Variants in CCDC190 observed in about 807,000 individuals in gnomAD.
CCDC190 encodes the protein coiled-coil domain containing 190.
CCDC190 carries 10 observed loss-of-function variants against 13.1 expected under a neutral mutation model. The observed-to-expected ratio is 0.77, with a 90% confidence interval of 0.47 to 1.30. The LOEUF is 1.30. Among genes scored for constraint, CCDC190 ranks in the 50% most tolerant of loss-of-function variants. CCDC190 has a pLI of 0.00. For missense variants in CCDC190, 375 were observed against 354.3 expected (o/e 1.06, Z -0.47); for synonymous variants, 136 against 127.2 (o/e 1.07, Z -0.47).
chr1:162,855,978 A>G, intron 2 of CCDC190: 1 of 370,990 alleles, frequency 2.7e-6, no homozygotes, highest in Non-Finnish European at 4.9e-6. Flanking sequence ...ACACAGGGAG[A>G]GCACTAAGAG....
At chr1:162,862,647 T>G (rs1650560803), upstream of CCDC190, among the ~76,000 whole-genome samples, 1 of 152,160 alleles carries the variant, frequency 6.6e-6, no homozygotes, top group Non-Finnish European at 1.5e-5. Flanking sequence ...GGAATATCTA[T>G]CTATGGGAAC....
intron 2 of CCDC190, among the ~76,000 whole-genome samples, chr1:162,858,595 C>T (rs1650392748): frequency 6.6e-6 from 1 of 152,218 alleles, no homozygotes; most frequent in African/African-American, 2.4e-5. Flanking sequence ...TGTTCGTTTA[C>T]AGCACCTGGC....
Position 162,853,220 on chromosome 1 carries a change from T to C in CCDC190, c.*1545A>G. 1 of 1,360,772 alleles carries C rather than the reference T, an allele frequency of 7.3e-7. No homozygotes were observed. 84.3% of individuals were successfully genotyped at this position (1,360,772 alleles called of 1,614,324 possible). A position where few individuals can be genotyped will look rare whatever the true frequency, so the allele number is the denominator to read the frequency against. ...GTTTTTGTCTTCAGATAGGTGGTAG[T>C]GTGGTGTAATGAAAGAGCATGAGCA... On this transcript the variant is annotated 3_prime_UTR_variant, in exon 4 of 4. Coordinates refer to ENST00000367912, the MANE Select transcript of CCDC190 (RefSeq NM_001394065.1).
chr1:162,861,890 C>T (rs559045330), upstream of CCDC190, among the ~76,000 whole-genome samples: 70 of 152,172 alleles, frequency 4.6e-4, no homozygotes, highest in African/African-American at 1.5e-3. Context: ...CCAGAGTTTA[C>T]TGAGAGGCAG....
chr1:162,857,620 GCCCTTTCC>G (rs1480849413), intron 2 of CCDC190, among the ~76,000 whole-genome samples: 1 of 152,072 alleles, frequency 6.6e-6, no homozygotes, highest in South Asian at 2.1e-4. Flanking sequence ...CAAACTTCCC[GCCCTTTCC>G]CCCATTTTCC....
intron 2 of CCDC190, among the ~76,000 whole-genome samples, chr1:162,856,595 A>G (rs1368285147): frequency 6.6e-6 from 1 of 152,212 alleles, no homozygotes; most frequent in African/African-American, 2.4e-5. Context: ...TGGAGAACTC[A>G]GTCAGTTTTT....
rs1296819443 is a variant in CCDC190, at chr1:162,853,649, T to C, written c.*1116A>G. Among the ~76,000 whole-genome samples, 1 of 152,218 alleles carries C rather than the reference T, an allele frequency of 6.6e-6. No individual in the cohort carries two copies. The highest frequency in any genetic ancestry group is 1.5e-5 in the Non-Finnish European group (1 of 68,030). ...GCTAAATAATCTTGTTTCATCAAAA[T>C]ATCCCAGGCTGGGTTACATCAACTA... On this transcript the variant is annotated 3_prime_UTR_variant, in exon 4 of 4. Coordinates refer to ENST00000367912, the MANE Select transcript of CCDC190 (RefSeq NM_001394065.1).
intron 2 of CCDC190, chr1:162,855,965 C>A: frequency 4.5e-6 from 2 of 440,316 alleles, no homozygotes; most frequent in South Asian, 5.1e-5. Flanking sequence ...AACACACAGA[C>A]ACACACAGGG....
chr1:162,857,477 C>T (rs773042008), intron 2 of CCDC190, among the ~76,000 whole-genome samples: 33 of 152,194 alleles, frequency 2.2e-4, no homozygotes, highest in Non-Finnish European at 5.9e-5. Context: ...ACTGCACCTA[C>T]ACCTCCTCTT....
chr1:162,855,709 C>T lies in CCDC190; in HGVS notation c.234G>A (p.Gln78=), dbSNP rs761018736. 2.5e-6 allele frequency: 4 copies of T among 1,613,410 alleles called. No individual in the cohort carries two copies. The highest frequency in any genetic ancestry group is 1.1e-5 in the South Asian group (1 of 90,976). ...KFSSYLGNGF[Q]KRPEDVLVFS... ...ACACGAGAACATCTTCTGGTCTCTT[C>T]TGAAATCCATTCCCCAAATAAGAGG... The change falls in exon 3 of 4, where the codon CAG becomes CAA. Residue 78 remains glutamine (Q), a synonymous_variant. Transcript: ENST00000367912.
At chr1:162,856,275 C>G (rs369060129) in intron 2 of CCDC190, among the ~76,000 whole-genome samples, 16 of 152,246 alleles carry the variant, frequency 1.1e-4, no homozygotes, top group African/African-American at 3.1e-4. Context: ...TTAGGTTGAT[C>G]TGGTGTGATA....
upstream of CCDC190, among the ~76,000 whole-genome samples, chr1:162,862,651 T>C (rs1650561088): frequency 6.6e-6 from 1 of 152,192 alleles, no homozygotes; most frequent in Admixed American, 6.5e-5. Flanking sequence ...TATCTATCTA[T>C]GGGAACATAG....
At position 162,854,461 on chromosome 1, in the gene CCDC190, C is replaced by T. The variant is rs1473865057; in HGVS notation, c.*304G>A. The T allele has an allele frequency of 1.8e-6, 2 of 1,100,648 alleles. No individual in the cohort carries two copies. The highest frequency in any genetic ancestry group is 2.2e-6 in the Non-Finnish European group (2 of 902,776). 68.2% of individuals were successfully genotyped at this position (1,100,648 alleles called of 1,614,324 possible). Reference sequence around the variant, plus strand: ...AATCTCCTAGAGGAAACAGGAAGTCCCTGAAAGCAAGACTGTTACTGTTTT... The same window carrying T: ...AATCTCCTAGAGGAAACAGGAAGTCTCTGAAAGCAAGACTGTTACTGTTTT... On this transcript the variant is annotated 3_prime_UTR_variant, in exon 4 of 4. Transcript: ENST00000367912.
upstream of CCDC190, among the ~76,000 whole-genome samples, chr1:162,863,326 G>A (rs949677196): frequency 2.6e-5 from 4 of 152,134 alleles, no homozygotes; most frequent in African/African-American, 9.7e-5. Flanking sequence ...TAGGTTAAAA[G>A]TATCTTTATC....
At position 162,854,837 on chromosome 1, in the gene CCDC190, A is replaced by G. The variant is rs368571297; in HGVS notation, c.834T>C (p.His278=). ...RLLSIGEIFG[H]GESSSSRAGK... is the part of the protein sequence containing the mutation. ...CTGCCCTGGATGATGAGGATTCCCC[A>G]TGCCCAAATATCTCTCCAATGCTAA... is the stretch of plus-strand genomic sequence containing the variant. The change falls in exon 4 of 4, where the codon CAT becomes CAC. Residue 278 remains histidine (H), a synonymous_variant. Transcript: ENST00000367912. 6.8e-6 allele frequency: 11 copies of G among 1,613,890 alleles called. No individual in the cohort carries two copies. In the African/African-American group the frequency reaches 1.2e-4, roughly 18 times the overall value.
rs200534408 is a variant in CCDC190, at chr1:162,855,154, C to G, written c.517G>C (p.Gly173Arg). 130 of 1,613,842 alleles carry G rather than the reference C, an allele frequency of 8.1e-5. No individual in the cohort carries two copies. The African/African-American group carries it at 1.5e-3, about 19-fold the overall frequency. ...NPSKDVDPSK[G>R]ISVPCQNQEV... Reference sequence around the variant, plus strand: ...TGATTTTGGCATGGAACAGAGATGCCCTTGCTGGGGTCTACGTCCTTAGAT... The same window carrying G: ...TGATTTTGGCATGGAACAGAGATGCGCTTGCTGGGGTCTACGTCCTTAGAT... The change falls in exon 4 of 4, where the codon GGC (glycine) becomes CGC (arginine). Residue 173 changes from glycine (G) to arginine (R), a missense_variant. Transcript: ENST00000367912.
Position 162,855,722 on chromosome 1 carries a change from C to A in CCDC190, c.221G>T (p.Gly74Val), listed in dbSNP as rs536907515. The change falls in exon 3 of 4, where the codon GGG (glycine) becomes GTG (valine). Residue 74 changes from glycine (G) to valine (V), a missense_variant. Coordinates refer to ENST00000367912, the MANE Select transcript of CCDC190 (RefSeq NM_001394065.1). Reference sequence around the variant, plus strand: ...TTCTGGTCTCTTCTGAAATCCATTCCCCAAATAAGAGGAGAACTTTTTCTT... The same window carrying A: ...TTCTGGTCTCTTCTGAAATCCATTCACCAAATAAGAGGAGAACTTTTTCTT... ...TMKKKFSSYLGNGFQKRPEDV... is the reference protein window; with the variant it reads ...TMKKKFSSYLVNGFQKRPEDV... The A allele has an allele frequency of 6.2e-7, 1 of 1,611,776 alleles. No homozygotes were observed. The highest frequency in any genetic ancestry group is 1.7e-5 in the Admixed American group (1 of 59,680).
In CCDC190 at chr1:162,853,025, G is replaced by T; in HGVS notation, c.*1740C>A. 1 of 1,198,064 alleles carries T rather than the reference G, an allele frequency of 8.3e-7. No homozygotes were observed. Among genetic ancestry groups the T allele is most frequent in the Non-Finnish European group, 1.2e-6 (1 of 829,092 alleles). 74.2% of individuals were successfully genotyped at this position (1,198,064 alleles called of 1,614,324 possible). On this transcript the variant is annotated 3_prime_UTR_variant, in exon 4 of 4. Coordinates refer to ENST00000367912, the MANE Select transcript of CCDC190 (RefSeq NM_001394065.1). Reference sequence around the variant, plus strand: ...TGGTGCAAATAAATTAAGTTTTTGTGAATCAATCAGTTCTGTCACTTATGG... The same window carrying T: ...TGGTGCAAATAAATTAAGTTTTTGTTAATCAATCAGTTCTGTCACTTATGG...
chr1:162,854,878 C>G lies in CCDC190; in HGVS notation c.793G>C (p.Glu265Gln). ...AHYLRHRVPP[E>Q]SERLLSIGEI... The stretch of plus-strand genomic sequence containing the variant: ...CCAATGCTAAGCAACCTCTCAGACT[C>G]AGGGGGGACCCTGTGCCGGAGATAA... Residue 265 changes from glutamate to glutamine, a missense_variant, in exon 4 of 4, where the codon GAG (glutamate) becomes CAG (glutamine). Transcript: ENST00000367912. 1 of 1,614,052 alleles carries G rather than the reference C, an allele frequency of 6.2e-7. No individual in the cohort carries two copies. The highest frequency in any genetic ancestry group is 1.3e-5 in the African/African-American group (1 of 75,064).
Sources: allele counts gnomAD v4.1 joint callset (sites outside exome capture counted in the v4.1 genomes callset), GRCh38; gene constraint gnomAD v4.1.1; transcripts MANE v1.5; gene names NCBI Gene and HGNC (gene_info 2026-07-23, HGNC 2026-07-21).